Variants in NPIPB2 observed in about 807,000 individuals in gnomAD.
NPIPB2 encodes nuclear pore complex interacting protein family member B2, also known as nuclear pore complex-interacting protein family member B2.
NPIPB2 carries 27 observed loss-of-function variants against 30.8 expected under a neutral mutation model. The ratio of observed to expected loss-of-function variants is 0.88; its 90% CI spans 0.65 to 1.21. The LOEUF is 1.21. NPIPB2 is among the 50% of genes most tolerant of loss of function. The pLI, the probability that NPIPB2 is intolerant of heterozygous loss-of-function variation, is 0.00. For missense variants in NPIPB2, 440 were observed against 446.2 expected, an observed-to-expected ratio of 0.99 and a Z score of 0.13; for synonymous variants, 147 against 162.0, an observed-to-expected ratio of 0.91 and a Z score of 0.70.
intron 1 of NPIPB2, among the ~76,000 whole-genome samples, chr16:11,961,630 A>C (rs1014646449): frequency 6.6e-6 from 1 of 151,832 alleles, no homozygotes; most frequent in Non-Finnish European, 1.5e-5. Context: ...AAATACAAAA[A>C]TTAGCCAGGC....
At chr16:11,942,184 G>A, upstream of NPIPB2, 1 of 1,199,512 alleles carries the variant, frequency 8.3e-7, no homozygotes. Flanking sequence ...AAATTAACCT[G>A]ACTTATTTTG....
At chr16:11,957,837 C>A (rs367803243) in intron 1 of NPIPB2, among the ~76,000 whole-genome samples, 12 of 152,268 alleles carry the variant, frequency 7.9e-5, no homozygotes, top group Non-Finnish European at 1.2e-4. Flanking sequence ...GCCTGCCCTG[C>A]GGAGTTTGGA....
At chr16:11,970,772 G>C (rs572339470) in intron 1 of NPIPB2, among the ~76,000 whole-genome samples, 101 of 152,026 alleles carry the variant, frequency 6.6e-4, no homozygotes, top group Non-Finnish European at 8.8e-4. Flanking sequence ...CTGACCTCGT[G>C]ATCTACCTGC....
intron 1 of NPIPB2, among the ~76,000 whole-genome samples, chr16:11,953,356 T>C (rs2055084320): frequency 6.6e-6 from 1 of 152,006 alleles, no homozygotes; most frequent in African/African-American, 2.4e-5. Context: ...TGTTTTTGTT[T>C]TCTTGAGACG....
chr16:11,956,586 G>A (rs1259543916), intron 1 of NPIPB2, among the ~76,000 whole-genome samples: 1 of 152,204 alleles, frequency 6.6e-6, no homozygotes, highest in African/African-American at 2.4e-5. Flanking sequence ...TGAGGCAGGA[G>A]AATCGCTTGA....
At chr16:11,960,947 A>C (rs2055148856) in intron 1 of NPIPB2, among the ~76,000 whole-genome samples, 1 of 150,572 alleles carries the variant, frequency 6.6e-6, no homozygotes, top group African/African-American at 2.4e-5. Context: ...GCTCACTGCA[A>C]CCTCTGCCTC....
At chr16:11,963,328 C>T (rs543294894) in intron 1 of NPIPB2, among the ~76,000 whole-genome samples, 2 of 148,090 alleles carry the variant, frequency 1.4e-5, no homozygotes, top group Admixed American at 6.8e-5. Flanking sequence ...TGCAGTGAGC[C>T]GAGATCGCGC....
At chr16:11,937,899 G>A (rs937279476) in intron 1 of NPIPB2, among the ~76,000 whole-genome samples, 5 of 152,112 alleles carry the variant, frequency 3.3e-5, no homozygotes, top group Admixed American at 1.3e-4. Context: ...GTCTTTCTTG[G>A]TATAAAGCAG....
At chr16:11,966,393 G>C in intron 1 of NPIPB2, 1 of 1,563,008 alleles carries the variant, frequency 6.4e-7, no homozygotes, top group Non-Finnish European at 8.7e-7. Flanking sequence ...TGGCTATTGT[G>C]AGTTTCAGTT....
rs1298419091 is a variant in NPIPB2, at chr16:11,933,718, T to A, written c.293-6A>T. On this transcript the variant is annotated splice_region_variant and splice_polypyrimidine_tract_variant and intron_variant, in intron 3 of 7. Coordinates refer to ENST00000399147, the Ensembl canonical transcript of NPIPB2. ...CATACAAATGGACCTCAGCCCTTGG[T>A]GAGAGTGAGGAGAGGAGAAGGTGAG... The A allele has an allele frequency of 1.9e-6, 3 of 1,596,902 alleles. No individual in the cohort carries two copies. The South Asian group carries it at 3.3e-5, about 18-fold the overall frequency.
At chr16:11,951,363 C>T (rs1339155267) in intron 1 of NPIPB2, among the ~76,000 whole-genome samples, 2 of 143,204 alleles carry the variant, frequency 1.4e-5, no homozygotes, top group Non-Finnish European at 3.0e-5. Context: ...ACTCGGGAGG[C>T]TGAGGCAGGA....
intron 1 of NPIPB2, among the ~76,000 whole-genome samples, chr16:11,956,685 G>T (rs1245685672): frequency 6.6e-6 from 1 of 152,098 alleles, no homozygotes; most frequent in Non-Finnish European, 1.5e-5. Flanking sequence ...CAAAAGAAAA[G>T]AAAAGAAAAG....
At chr16:11,930,342 C>CA (rs1458012651) in intron 5 of NPIPB2, 108 bp downstream of exon 5, 17 of 1,036,216 alleles carry the variant, frequency 1.6e-5, no homozygotes, top group Non-Finnish European at 2.4e-5. Flanking sequence ...GTCTTCTGAC[C>CA]ATTTGTTTCT....
chr16:11,936,915 C>T (rs1442198644), intron 2 of NPIPB2, among the ~76,000 whole-genome samples: 1 of 151,652 alleles, frequency 6.6e-6, no homozygotes, highest in East Asian at 1.9e-4. Context: ...GTCCCTATGA[C>T]CTCAGAGGAA....
intron 1 of NPIPB2, among the ~76,000 whole-genome samples, chr16:11,948,622 C>T (rs1215070544): frequency 6.6e-6 from 1 of 151,484 alleles, no homozygotes; most frequent in African/African-American, 2.4e-5. Context: ...AAAAAATTAG[C>T]CGGGCGTAGT....
intron 1 of NPIPB2, among the ~76,000 whole-genome samples, chr16:11,948,316 G>A (rs1315809660): frequency 6.6e-6 from 1 of 152,054 alleles, no homozygotes. Context: ...AATGGCTGCC[G>A]ATACCACAAA....
upstream of NPIPB2, among the ~76,000 whole-genome samples, chr16:11,944,926 C>T (rs1055580112): frequency 1.3e-5 from 2 of 151,750 alleles, no homozygotes; most frequent in African/African-American, 4.8e-5. Context: ...TGCCTGTAAT[C>T]CCAGCACTTT....
chr16:11,941,902 C>T, intron 1 of NPIPB2, 81 bp downstream of exon 1: 1 of 974,858 alleles, frequency 1.0e-6, no homozygotes. Flanking sequence ...CCTTCCTGAG[C>T]TCCCAGGGTT....
intron 2 of NPIPB2, among the ~76,000 whole-genome samples, chr16:11,934,765 A>G (rs1338855711): frequency 7.0e-6 from 1 of 143,820 alleles, no homozygotes; most frequent in Non-Finnish European, 1.5e-5. Flanking sequence ...AGGCTGAGGC[A>G]GGAGAACTGC....
Sources: gnomAD v4.1 joint callset for allele counts (sites outside exome capture counted in the v4.1 genomes callset) on GRCh38, gnomAD v4.1.1 for gene constraint, MANE v1.5 for transcripts, NCBI Gene and HGNC (gene_info 2026-07-23, HGNC 2026-07-21) for gene names.